Variants in KIAA1549L observed in about 807,000 individuals in gnomAD.
KIAA1549L encodes the protein KIAA1549 like, also known as UPF0606 protein KIAA1549L.
In KIAA1549L, 88 loss-of-function variants were observed where a neutral mutation model predicts 160.7. The ratio of observed to expected loss-of-function variants is 0.55; its 90% confidence interval spans 0.46 to 0.65. The LOEUF (loss-of-function observed/expected upper bound fraction) is 0.65. Among genes scored for constraint, KIAA1549L ranks in the 30% least tolerant of loss-of-function variants. KIAA1549L has a pLI of 0.00. For synonymous variants in KIAA1549L, 950 were observed against 976.7 expected (o/e 0.97, Z 0.51); for missense variants, 2,258 against 2,437.5 (o/e 0.93, Z 1.55).
At chr11:33,618,461 A>G in intron 15 of KIAA1549L, 72 bp from the exon 16 acceptor site, 1 of 1,423,856 alleles carries the variant, frequency 7.0e-7, no homozygotes. Flanking sequence ...GGTTGCCTGT[A>G]CTTTGGATCA....
intron 10 of KIAA1549L, among the ~76,000 whole-genome samples, chr11:33,580,571 C>CAAAAA (rs368467299): frequency 2.2e-3 from 108 of 50,028 alleles, no homozygotes; most frequent in South Asian, 3.8e-3. Flanking sequence ...GATTCTGCCT[C>CAAAAA]AAAAAAAAAA....
At position 33,668,496 on chromosome 11, in the gene KIAA1549L, A is replaced by G. The variant is rs776505306; in HGVS notation, c.*342A>G. 1 of 315,312 alleles carries G rather than the reference A, an allele frequency of 3.2e-6. No homozygotes were observed. Among genetic ancestry groups the G allele is most frequent in the Non-Finnish European group, 6.0e-6 (1 of 167,788 alleles). 19.5% of individuals were successfully genotyped at this position (315,312 alleles called of 1,614,324 possible). A position where few individuals can be genotyped will look rare whatever the true frequency, so the allele number is the denominator to read the frequency against. ...CCTATCCAATGCCACATTTTAATAAATCACCGGAAGCGGGAGAATGTAGCT... is the reference window on the plus strand; with the variant it reads ...CCTATCCAATGCCACATTTTAATAAGTCACCGGAAGCGGGAGAATGTAGCT... On this transcript the variant is annotated 3_prime_UTR_variant, in exon 21 of 21. Transcript: ENST00000658780.
At chr11:33,625,000 C>G (rs1241601096) in intron 16 of KIAA1549L, among the ~76,000 whole-genome samples, 3 of 150,000 alleles carry the variant, frequency 2.0e-5, no homozygotes, top group African/African-American at 7.4e-5. Flanking sequence ...TGAGTGAGAA[C>G]ATGTGGTGCT....
chr11:33,668,015 C>G lies in KIAA1549L; in HGVS notation c.6302C>G (p.Ser2101Trp). 6.2e-7 allele frequency: 1 copy of G among 1,613,970 alleles called. No homozygotes were observed. The highest frequency in any genetic ancestry group is 8.5e-7 in the Non-Finnish European group (1 of 1,179,908). Reference sequence around the variant, plus strand: ...GCCCCGGCGCCCTCCACAGCGGCCTCGCAGCAGAGCCTGGCAGAAAACGAC... The same window carrying G: ...GCCCCGGCGCCCTCCACAGCGGCCTGGCAGCAGAGCCTGGCAGAAAACGAC... ...EQAPAPSTAA[S>W]QQSLAENDPS... Residue 2101 changes from serine to tryptophan, a missense_variant, in exon 21 of 21, where the codon TCG becomes TGG. Physicochemically the swap from Ser to Trp is radical, Grantham distance 177. Transcript: ENST00000658780.
chr11:33,556,855 G>A (rs986356052), intron 6 of KIAA1549L, among the ~76,000 whole-genome samples: 12 of 152,254 alleles, frequency 7.9e-5, no homozygotes, highest in African/African-American at 2.6e-4. Flanking sequence ...CACTTAAAAT[G>A]GTTAAATTTT....
At chr11:33,625,416 A>G (rs964423852) in intron 16 of KIAA1549L, among the ~76,000 whole-genome samples, 6 of 152,066 alleles carry the variant, frequency 3.9e-5, no homozygotes, top group African/African-American at 7.2e-5. Flanking sequence ...CCTCTCCAGC[A>G]CCTGTTGTTT....
chr11:33,628,819 C>CATTAT, intron 16 of KIAA1549L, among the ~76,000 whole-genome samples: 1 of 151,376 alleles, frequency 6.6e-6, no homozygotes, highest in Non-Finnish European at 1.5e-5. Flanking sequence ...TGAATTTGAT[C>CATTAT]CTGTCATTAT....
At position 33,502,402 on chromosome 11, in the gene KIAA1549L, C is replaced by T. The variant is rs183742673; in HGVS notation, c.239-39400C>T. Among the ~76,000 whole-genome samples the T allele has an allele frequency of 1.3e-5, 2 of 152,260 alleles. 1 individual carries two copies. Among genetic ancestry groups the T allele is most frequent in the East Asian group, 3.9e-4 (2 of 5,166 alleles). ...CCTCTCTAGCTTATCTATTTTTCCTCTGTGGAAAAGAAACGTGGTGATATT... is the reference window on the plus strand; with the variant it reads ...CCTCTCTAGCTTATCTATTTTTCCTTTGTGGAAAAGAAACGTGGTGATATT... On this transcript the variant is annotated intron_variant, in intron 1 of 20. Transcript: ENST00000658780.
intron 1 of KIAA1549L, among the ~76,000 whole-genome samples, chr11:33,503,399 A>G (rs1218654493): frequency 6.6e-6 from 1 of 152,212 alleles, no homozygotes; most frequent in Non-Finnish European, 1.5e-5. Context: ...TCATTATTCC[A>G]GTACATGTCT....
chr11:33,551,300 G>T, intron 5 of KIAA1549L, 41 bp downstream of exon 5: 1 of 1,553,208 alleles, frequency 6.4e-7, no homozygotes, highest in Non-Finnish European at 8.8e-7. Context: ...CCATTCTTGG[G>T]TTCAGGGCCA....
rs1309144061 is a variant in KIAA1549L, at chr11:33,376,438, A to G, written c.-214A>G. 6.8e-6 allele frequency: 1 copy of G among 146,544 alleles called. No individual in the cohort carries two copies. The highest frequency in any genetic ancestry group is 1.5e-5 in the Non-Finnish European group (1 of 65,922). The allele number at this position is 146,544 out of a possible 1,614,324, so 9.1% of individuals were successfully genotyped here. A position where few individuals can be genotyped will look rare whatever the true frequency, so the allele number is the denominator to read the frequency against. On this transcript the variant is annotated 5_prime_UTR_variant, in exon 1 of 21. An upstream start codon of the reference 5' UTR is lost. Coordinates refer to ENST00000658780, the MANE Select transcript of KIAA1549L (RefSeq NM_012194.3). The surrounding 1 kb of genome is among the most constrained non-coding windows in gnomAD (Gnocchi z 5.8). The stretch of plus-strand genomic sequence containing the variant: ...CCCGGCCCGCACCCGCCGCGGCTCC[A>G]TGCGGGCCCGGCCCCTGCGCGGGTG...
At chr11:33,520,876 A>G (rs1004814812) in intron 1 of KIAA1549L, among the ~76,000 whole-genome samples, 1 of 152,034 alleles carries the variant, frequency 6.6e-6, no homozygotes, top group Non-Finnish European at 1.5e-5. Context: ...AAAAAGTAAC[A>G]TCTCAGCCTG....
intron 1 of KIAA1549L, among the ~76,000 whole-genome samples, chr11:33,412,603 A>G (rs1850806439): frequency 6.6e-6 from 1 of 152,232 alleles, no homozygotes; most frequent in Admixed American, 6.5e-5. Context: ...CTGCTTAACC[A>G]GCTGGCTGCA....
At chr11:33,500,872 C>T (rs946052190) in intron 1 of KIAA1549L, among the ~76,000 whole-genome samples, 1 of 151,970 alleles carries the variant, frequency 6.6e-6, no homozygotes, top group African/African-American at 2.4e-5. Context: ...ATACTTTTTA[C>T]ACAAATATTA....
At chr11:33,534,051 A>G (rs1853837135) in intron 1 of KIAA1549L, among the ~76,000 whole-genome samples, 2 of 152,126 alleles carry the variant, frequency 1.3e-5, no homozygotes, top group Non-Finnish European at 1.5e-5. Context: ...GCAAACCATT[A>G]CTGTCTGTCT....
intron 14 of KIAA1549L, among the ~76,000 whole-genome samples, chr11:33,608,814 C>G (rs1249936353): frequency 6.6e-6 from 1 of 152,236 alleles, no homozygotes; most frequent in Admixed American, 6.5e-5. Context: ...CTGAACTGTT[C>G]TCTATAATTT....
Position 33,606,775 on chromosome 11 carries a change from C to G in KIAA1549L, c.5014C>G (p.Pro1672Ala), listed in dbSNP as rs1850515282. 1 of 1,613,214 alleles carries G rather than the reference C, an allele frequency of 6.2e-7. No homozygotes were observed. The highest frequency in any genetic ancestry group is 8.5e-7 in the Non-Finnish European group (1 of 1,179,622). The change falls in exon 14 of 21, where the codon CCC becomes GCC. Residue 1672 changes from proline (P) to alanine (A), a missense_variant. Coordinates refer to ENST00000658780, the MANE Select transcript of KIAA1549L (RefSeq NM_012194.3). ...IKPTALPMVP[P>A]TSDRSQESSA... is the part of the protein sequence containing the mutation. ...ACCCACAGCCCTCCCCATGGTGCCC[C>G]CCACCTCGGACAGGAGCCAGGAGTC... is the stretch of plus-strand genomic sequence containing the variant.
At chr11:33,459,960 C>CAAAAAAA (rs61580338) in intron 1 of KIAA1549L, among the ~76,000 whole-genome samples, 16 of 67,128 alleles carry the variant, frequency 2.4e-4, no homozygotes, top group Admixed American at 5.0e-4. Context: ...GACTCCGTCT[C>CAAAAAAA]AAAAAAAAAA....
At chr11:33,381,707 A>G (rs1022795571) in intron 1 of KIAA1549L, among the ~76,000 whole-genome samples, 2 of 152,218 alleles carry the variant, frequency 1.3e-5, no homozygotes, top group Non-Finnish European at 2.9e-5. Flanking sequence ...AAGGTCAAGT[A>G]TGGAAGCCAG....
Sources: gnomAD v4.1 joint callset for allele counts (sites outside exome capture counted in the v4.1 genomes callset) on GRCh38, gnomAD v4.1.1 for gene constraint, Gnocchi (gnomAD v3.1) non-coding constraint, MANE v1.5 for transcripts, NCBI Gene and HGNC (gene_info 2026-07-23, HGNC 2026-07-21) for gene names.